The following GRIK4 variants were observed in gnomAD, a reference collection of about 807,000 sequenced individuals.
GRIK4 encodes glutamate ionotropic receptor kainate type subunit 4.
GRIK4 carries 40 observed loss-of-function variants against 104.9 expected under a neutral mutation model. The observed-to-expected ratio is 0.38, with a 90% CI of 0.30 to 0.50. The LOEUF is 0.50. GRIK4 is among the 20% of genes least tolerant of loss of function. GRIK4 has a pLI of 0.93. For missense variants in GRIK4, 1,047 were observed against 1,308.1 expected (o/e 0.80, Z 3.08); for synonymous variants, 485 against 524.9 (o/e 0.92, Z 1.04).
rs35534831 is a variant in GRIK4 at position 120,802,706 on chromosome 11, C to T, written c.96C>T (p.Asp32=). 5.8e-4 allele frequency: 929 copies of T among 1,613,734 alleles called. 4 individuals carry two copies. The African/African-American group carries it at 0.011, about 18-fold the overall frequency. The change falls in exon 4 of 21, where the codon GAC becomes GAT. Residue 32 remains aspartate, a synonymous_variant. Coordinates refer to ENST00000527524, the MANE Select transcript of GRIK4 (RefSeq NM_014619.5). ...PHSLRIAAIL[D]DPMECSRGER... is the part of the protein sequence containing the mutation. ...GCCTGCCCACAGCTGCTATCTTGGA[C>T]GACCCCATGGAGTGCAGCAGAGGGG...
At chr11:120,883,602 A>T (rs1352158761) in intron 11 of GRIK4, among the ~76,000 whole-genome samples, 1 of 152,170 alleles carries the variant, frequency 6.6e-6, no homozygotes, top group Non-Finnish European at 1.5e-5. Context: ...GGCCCATGTA[A>T]GTCTGGTTCT....
Position 120,739,493 on chromosome 11 carries a change from T to A in GRIK4, c.83-63200T>A, listed in dbSNP as rs139926010. 4.3e-3 allele frequency among the ~76,000 whole-genome samples: 652 copies of A among 152,312 alleles called. 5 individuals are homozygous for A. Among genetic ancestry groups the A allele is most frequent in the African/African-American group, 0.015 (607 of 41,562 alleles). ...GAGGTGAGAGTCTGTACATTAGGAC[T>A]GCTCACTGCCCAATGAGGTTAGAGT... On this transcript the variant is annotated intron_variant, in intron 3 of 20. Transcript: ENST00000527524.
At chr11:120,631,917 T>C (rs1028939421) in intron 1 of GRIK4, among the ~76,000 whole-genome samples, 1 of 152,058 alleles carries the variant, frequency 6.6e-6, no homozygotes, top group African/African-American at 2.4e-5. Flanking sequence ...AACACCAACT[T>C]GGAGTCAGGT....
chr11:120,664,563 G>A (rs61900955), intron 3 of GRIK4, among the ~76,000 whole-genome samples: 62 of 152,282 alleles, frequency 4.1e-4, no homozygotes, highest in Non-Finnish European at 7.5e-4. Context: ...ACGAACCTAA[G>A]GTCACACAGC....
chr11:120,541,349 A>G (rs1948033597), intron 1 of GRIK4, among the ~76,000 whole-genome samples: 1 of 152,238 alleles, frequency 6.6e-6, no homozygotes, highest in South Asian at 2.1e-4. Context: ...AGTTTCGCCC[A>G]GAAGATTAGG....
intron 1 of GRIK4, among the ~76,000 whole-genome samples, chr11:120,592,430 C>T (rs538117614): frequency 2.0e-5 from 3 of 152,302 alleles, no homozygotes; most frequent in East Asian, 1.9e-4. Context: ...AGAACAAGAA[C>T]GAAGCTTGCT....
At chr11:120,923,253 G>A (rs2134575323) in intron 13 of GRIK4, among the ~76,000 whole-genome samples, 1 of 152,194 alleles carries the variant, frequency 6.6e-6, no homozygotes, top group East Asian at 1.9e-4. Flanking sequence ...CTTACCAGGT[G>A]GGATGTTGCG....
chr11:120,680,826 G>C (rs1164043209), intron 3 of GRIK4, among the ~76,000 whole-genome samples: 1 of 152,194 alleles, frequency 6.6e-6, no homozygotes, highest in Non-Finnish European at 1.5e-5. Context: ...AGGAGACCTT[G>C]GCCAATACCA....
chr11:120,783,769 T>C (rs1952209253), intron 3 of GRIK4, among the ~76,000 whole-genome samples: 2 of 152,174 alleles, frequency 1.3e-5, no homozygotes, highest in South Asian at 4.1e-4. Flanking sequence ...AGGAAATTCA[T>C]GCAGACAGCA....
At chr11:120,976,490 A>C (rs891069053) in intron 19 of GRIK4, among the ~76,000 whole-genome samples, 1 of 152,252 alleles carries the variant, frequency 6.6e-6, no homozygotes, top group Non-Finnish European at 1.5e-5. Context: ...TATTTACAAT[A>C]ATAAGTCCCT....
chr11:120,974,054 C>T (rs1395005474), intron 19 of GRIK4, among the ~76,000 whole-genome samples: 1 of 152,072 alleles, frequency 6.6e-6, no homozygotes, highest in East Asian at 1.9e-4. Flanking sequence ...ATTACAGGCG[C>T]ATGCCACCAC....
At chr11:120,833,089 C>T (rs1357593257) in intron 7 of GRIK4, among the ~76,000 whole-genome samples, 1 of 152,094 alleles carries the variant, frequency 6.6e-6, no homozygotes, top group Non-Finnish European at 1.5e-5. Flanking sequence ...CCTTCCCTCC[C>T]TCCCTCCCAG....
chr11:120,855,952 CGAAGCCTCCAGGCCA>C (rs1483771437), intron 8 of GRIK4, among the ~76,000 whole-genome samples: 1 of 152,244 alleles, frequency 6.6e-6, no homozygotes, highest in Non-Finnish European at 1.5e-5. Flanking sequence ...AAGAGGAAGG[CGAAGCCTCCAGGCCA>C]GATCTTTCCT....
At position 120,976,115 on chromosome 11, in the gene GRIK4, T is replaced by C. The variant is rs375360811; in HGVS notation, c.2396-5991T>C. Among the ~76,000 whole-genome samples, 11 of 152,368 alleles carry C rather than the reference T, an allele frequency of 7.2e-5. No individual in the cohort carries two copies. The East Asian group carries it at 1.5e-3, about 21-fold the overall frequency. On this transcript the variant is annotated intron_variant, in intron 19 of 20. Transcript: ENST00000527524. Reference sequence around the variant, plus strand: ...AACCTAAGTTCTCTGAATTTCTCTTTCTTTAACTGTAAAGTGGGGACAATG... The same window carrying C: ...AACCTAAGTTCTCTGAATTTCTCTTCCTTTAACTGTAAAGTGGGGACAATG...
chr11:120,874,365 C>A (rs1311427538), intron 10 of GRIK4, 147 bp downstream of exon 10: 9 of 648,110 alleles, frequency 1.4e-5, no homozygotes, highest in Admixed American at 5.5e-5. Flanking sequence ...CTCTGGTGAC[C>A]CCAGTTGAAT....
intron 1 of GRIK4, among the ~76,000 whole-genome samples, chr11:120,574,044 C>T (rs1948441999): frequency 6.6e-6 from 1 of 152,234 alleles, no homozygotes; most frequent in Non-Finnish European, 1.5e-5. Flanking sequence ...GGGACCGACA[C>T]TGGTGACTCA....
chr11:120,642,425 C>T (rs1949481535), intron 1 of GRIK4, among the ~76,000 whole-genome samples: 1 of 151,922 alleles, frequency 6.6e-6, no homozygotes, highest in African/African-American at 2.4e-5. Flanking sequence ...GGTATTAGAA[C>T]CTGTTCTGGG....
intron 3 of GRIK4, among the ~76,000 whole-genome samples, chr11:120,728,322 A>G (rs562886009): frequency 6.6e-6 from 1 of 152,308 alleles, no homozygotes; most frequent in Non-Finnish European, 1.5e-5. Context: ...ATATTCAGTA[A>G]AATCGACCTT....
At chr11:120,849,285 A>G (rs11218030) in intron 8 of GRIK4, among the ~76,000 whole-genome samples, 24,539 of 152,210 alleles carry the variant, frequency 0.16, 2,726 homozygotes, top group East Asian at 0.33. Flanking sequence ...CTGTGGTTCA[A>G]TATCTCTGGA....
Sources: allele counts gnomAD v4.1 joint callset (sites outside exome capture counted in the v4.1 genomes callset), GRCh38; gene constraint gnomAD v4.1.1; transcripts MANE v1.5; gene names NCBI Gene and HGNC (gene_info 2026-07-23, HGNC 2026-07-21).